RBFOX1: variants seen among roughly 807,000 people sequenced by gnomAD.
The protein encoded by RBFOX1 is RNA binding fox-1 homolog 1, also known as RNA binding protein fox-1 homolog 1.
RBFOX1 carries 8 observed loss-of-function variants against 57.7 expected under a neutral mutation model. The ratio of observed to expected loss-of-function variants is 0.14; its 90% CI spans 0.08 to 0.25. RBFOX1 has a LOEUF of 0.25. Among genes scored for constraint, RBFOX1 ranks in the 10% least tolerant of loss-of-function variants. The probability of loss-of-function intolerance (pLI) is 1.00; values close to 1 mark genes in which losing one functional copy is unlikely to be tolerated. For missense variants in RBFOX1, 611 were observed against 548.5 expected (o/e 1.11, Z -1.14); for synonymous variants, 326 against 222.4 (o/e 1.47, Z -4.15).
chr16:5,700,856 C>T (rs1278030190), intron 3 of RBFOX1, among the ~76,000 whole-genome samples: 1 of 152,202 alleles, frequency 6.6e-6, no homozygotes, highest in Non-Finnish European at 1.5e-5. Context: ...CAGTCATAGG[C>T]TGGCCAGTTG....
chr16:5,758,184 C>T (rs2053466401), intron 3 of RBFOX1, among the ~76,000 whole-genome samples: 1 of 152,228 alleles, frequency 6.6e-6, no homozygotes, highest in Non-Finnish European at 1.5e-5. Flanking sequence ...CTCTGCCATC[C>T]ATTGGCTTTT....
intron 4 of RBFOX1, among the ~76,000 whole-genome samples, chr16:7,067,878 T>C (rs1318372065): frequency 6.6e-6 from 1 of 151,900 alleles, no homozygotes; most frequent in Non-Finnish European, 1.5e-5. Context: ...TCATTTTTTA[T>C]GGCTGCATAG....
intron 2 of RBFOX1, among the ~76,000 whole-genome samples, chr16:6,552,199 A>T (rs1297413621): frequency 6.6e-6 from 1 of 152,214 alleles, no homozygotes; most frequent in Non-Finnish European, 1.5e-5. Context: ...TACCTTTGAA[A>T]GTCCTCATTT....
At chr16:5,440,938 G>C (rs1234795612) in intron 1 of RBFOX1, among the ~76,000 whole-genome samples, 1 of 152,142 alleles carries the variant, frequency 6.6e-6, no homozygotes, top group Non-Finnish European at 1.5e-5. Flanking sequence ...ATGTTTTCCA[G>C]ACTCACTTTG....
intron 4 of RBFOX1, among the ~76,000 whole-genome samples, chr16:5,978,890 C>G (rs1432447966): frequency 1.3e-5 from 2 of 152,158 alleles, no homozygotes; most frequent in African/African-American, 4.8e-5. Context: ...ACGGTGCCCA[C>G]TTTGGTGGGC....
chr16:7,617,422 C>G lies in RBFOX1; in HGVS notation c.676+10084C>G, dbSNP rs147505786. 3.5e-3 allele frequency among the ~76,000 whole-genome samples: 526 copies of G among 152,084 alleles called. 2 individuals are homozygous for G. The highest frequency in any genetic ancestry group is 5.7e-3 in the Non-Finnish European group (390 of 68,008). ...GTGAAAGCCATTCTTAGTTTATGGC[C>G]CGTACAAAAACATTGTCCCTACTTT... On this transcript the variant is annotated intron_variant, in intron 10 of 15. Transcript: ENST00000550418.
intron 2 of RBFOX1, among the ~76,000 whole-genome samples, chr16:6,490,286 C>A (rs530611405): frequency 6.6e-6 from 1 of 152,174 alleles, no homozygotes; most frequent in Non-Finnish European, 1.5e-5. Flanking sequence ...TAAATACATA[C>A]CAGAATATCC....
chr16:6,694,128 T>G (rs1402678037), intron 3 of RBFOX1, among the ~76,000 whole-genome samples: 1 of 152,244 alleles, frequency 6.6e-6, no homozygotes, highest in Non-Finnish European at 1.5e-5. Flanking sequence ...TCATCTTTTG[T>G]TTAACCTCAT....
intron 4 of RBFOX1, among the ~76,000 whole-genome samples, chr16:7,145,932 G>C (rs138188748): frequency 1.3e-5 from 2 of 152,166 alleles, no homozygotes; most frequent in Non-Finnish European, 2.9e-5. Flanking sequence ...AGTAGCCGTA[G>C]TGGACAGGTG....
intron 5 of RBFOX1, among the ~76,000 whole-genome samples, chr16:7,560,005 T>G (rs1279761819): frequency 2.0e-5 from 3 of 152,190 alleles, no homozygotes; most frequent in African/African-American, 7.2e-5. Context: ...CCTGTGAAGG[T>G]TATTTTAAAA....
intron 3 of RBFOX1, among the ~76,000 whole-genome samples, chr16:6,902,103 C>A (rs80352807): frequency 6.6e-6 from 1 of 152,086 alleles, no homozygotes; most frequent in East Asian, 1.9e-4. Flanking sequence ...TACATAAAAT[C>A]AGGTGTCTTA....
intron 7 of RBFOX1, among the ~76,000 whole-genome samples, chr16:7,588,530 C>T (rs2094255702): frequency 6.6e-6 from 1 of 152,218 alleles, no homozygotes; most frequent in African/African-American, 2.4e-5. Flanking sequence ...GGTCTCCTGG[C>T]TGCCAGTCCC....
intron 2 of RBFOX1, among the ~76,000 whole-genome samples, chr16:5,489,483 C>T (rs901098278): frequency 5.3e-5 from 8 of 152,198 alleles, no homozygotes; most frequent in Admixed American, 3.9e-4. Flanking sequence ...TTAGCCCTTC[C>T]CAGCTGTCTG....
intron 2 of RBFOX1, among the ~76,000 whole-genome samples, chr16:6,577,659 A>G (rs1251176074): frequency 6.6e-6 from 1 of 152,188 alleles, no homozygotes; most frequent in Non-Finnish European, 1.5e-5. Context: ...CATGTCAATA[A>G]GTAGTTCCAC....
At chr16:6,407,493 G>A (rs1012159577) in intron 2 of RBFOX1, among the ~76,000 whole-genome samples, 2 of 151,754 alleles carry the variant, frequency 1.3e-5, no homozygotes, top group Non-Finnish European at 2.9e-5. Context: ...TATATATAGA[G>A]AGAGGCAGAG....
Position 6,300,625 on chromosome 16 carries a change from C to T in RBFOX1, c.-126-16370C>T, listed in dbSNP as rs147740572. Among the ~76,000 whole-genome samples the T allele has an allele frequency of 8.1e-3, 1,229 of 152,244 alleles. 13 individuals carry two copies. The highest frequency in any genetic ancestry group is 0.026 in the African/African-American group (1,079 of 41,536). On this transcript the variant is annotated intron_variant, in intron 1 of 15. Coordinates refer to ENST00000550418, the MANE Select transcript of RBFOX1 (RefSeq NM_018723.4). ...ATCTAGTTTCATCTTTCCAATTTCC[C>T]TCAATATCTTTCCCACATTCTGGCT... is the stretch of plus-strand genomic sequence containing the variant.
chr16:5,647,332 C>G (rs1374552359), intron 3 of RBFOX1, among the ~76,000 whole-genome samples: 2 of 152,212 alleles, frequency 1.3e-5, no homozygotes, highest in Non-Finnish European at 2.9e-5. Flanking sequence ...ATTCTACTGC[C>G]TCAGAGGAAA....
chr16:5,427,501 T>C (rs749864683), intron 1 of RBFOX1, among the ~76,000 whole-genome samples: 1 of 152,016 alleles, frequency 6.6e-6, no homozygotes, highest in Non-Finnish European at 1.5e-5. Context: ...AGAAGAATTA[T>C]TTGAACCTAG....
chr16:6,711,390 C>G (rs1236989822), intron 3 of RBFOX1, among the ~76,000 whole-genome samples: 1 of 152,198 alleles, frequency 6.6e-6, no homozygotes. Flanking sequence ...CTTGTCCTAT[C>G]TCTCCTGATA....
Sources: gnomAD v4.1 joint callset for allele counts (sites outside exome capture counted in the v4.1 genomes callset) on GRCh38, gnomAD v4.1.1 for gene constraint, MANE v1.5 for transcripts, NCBI Gene and HGNC (gene_info 2026-07-23, HGNC 2026-07-21) for gene names.